BLTP1: variants seen among roughly 807,000 people sequenced by gnomAD.
BLTP1 encodes the protein bridge-like lipid transfer protein family member 1.
the BLTP1 span, chr4:122,309,076 A>G: frequency 2.8e-4 from 88 of 312,830 alleles, no homozygotes; most frequent in African/African-American, 1.9e-3. Flanking sequence ...AGTAAGAAAA[A>G]AAATGCACAT....
chr4:122,284,839 C>T, the BLTP1 span, among the ~76,000 whole-genome samples: 57 of 152,226 alleles, frequency 3.7e-4, no homozygotes, highest in South Asian at 5.6e-3. Flanking sequence ...GACATATATA[C>T]GGTTTGATAC....
At chr4:122,243,604 T>A in the BLTP1 span, 1 of 343,990 alleles carries the variant, frequency 2.9e-6, no homozygotes, top group Non-Finnish European at 4.1e-6. Flanking sequence ...TACAAAAAAA[T>A]TAGGCATAGT....
At chr4:122,186,067 A>G in the BLTP1 span, 5 of 1,601,578 alleles carry the variant, frequency 3.1e-6, no homozygotes, top group African/African-American at 4.0e-5. Flanking sequence ...TATACATCAC[A>G]GTCAATGACT....
the BLTP1 span, chr4:122,269,789 C>A: frequency 1.9e-6 from 1 of 526,034 alleles, no homozygotes; most frequent in Non-Finnish European, 2.4e-6. Flanking sequence ...AGTCCTCATA[C>A]ATGATAGTTT....
At chr4:122,276,922 G>C in the BLTP1 span, 1 of 985,208 alleles carries the variant, frequency 1.0e-6, no homozygotes, top group Non-Finnish European at 1.2e-6. Flanking sequence ...TGATGAACTG[G>C]TTCTTCATAT....
At chr4:122,154,089 T>G in the BLTP1 span, 1 of 983,876 alleles carries the variant, frequency 1.0e-6, no homozygotes, top group Non-Finnish European at 1.2e-6. Flanking sequence ...AACAGAACGT[T>G]GCAAACTCTG....
the BLTP1 span, chr4:122,260,099 C>A: frequency 5.5e-6 from 1 of 181,890 alleles, no homozygotes. Flanking sequence ...GATGGTACAG[C>A]CTACTACACA....
At chr4:122,246,929 GT>G in the BLTP1 span, 1 of 1,455,940 alleles carries the variant, frequency 6.9e-7, no homozygotes. Context: ...CTCAGAACTG[GT>G]TTTGGAATTT....
chr4:122,225,048 T>A, the BLTP1 span: 26 of 957,296 alleles, frequency 2.7e-5, no homozygotes, highest in Non-Finnish European at 3.2e-5. Flanking sequence ...TATGGAGTAA[T>A]TTTCTAAGAA....
At chr4:122,331,784 G>A in the BLTP1 span, 2 of 972,910 alleles carry the variant, frequency 2.1e-6, no homozygotes, top group East Asian at 2.3e-4. Context: ...AATTAAAATA[G>A]TTATATCTTT....
chr4:122,245,013 C>T, the BLTP1 span: 2 of 1,597,928 alleles, frequency 1.3e-6, no homozygotes, highest in African/African-American at 1.4e-5. Context: ...CTGTTTTTTC[C>T]CCTCAGATAT....
the BLTP1 span, chr4:122,200,845 G>C: frequency 1.2e-6 from 1 of 800,472 alleles, no homozygotes; most frequent in African/African-American, 1.9e-5. Flanking sequence ...CATGGATATT[G>C]ACCTTCAGCC....
At chr4:122,287,175 G>A in the BLTP1 span, among the ~76,000 whole-genome samples, 1 of 152,122 alleles carries the variant, frequency 6.6e-6, no homozygotes, top group Admixed American at 6.5e-5. Context: ...TTGTAAGTGA[G>A]CAAACTAAGC....
At chr4:122,328,371 T>C in the BLTP1 span, 1 of 1,593,196 alleles carries the variant, frequency 6.3e-7, no homozygotes, top group Non-Finnish European at 8.6e-7. Flanking sequence ...AGTAACCTTA[T>C]TTTAAGATCA....
the BLTP1 span, chr4:122,189,376 A>G: frequency 1.0e-6 from 1 of 983,538 alleles, no homozygotes; most frequent in Non-Finnish European, 1.2e-6. Flanking sequence ...TTTCTGGGAA[A>G]TTATTGATGG....
chr4:122,279,304 A>G, the BLTP1 span, among the ~76,000 whole-genome samples: 1 of 152,258 alleles, frequency 6.6e-6, no homozygotes, highest in Non-Finnish European at 1.5e-5. Flanking sequence ...TTTCCTTGCA[A>G]ATTGATACTT....
At chr4:122,193,463 A>G in the BLTP1 span, 1 of 179,910 alleles carries the variant, frequency 5.6e-6, no homozygotes. Context: ...ATTGTTCTAT[A>G]GTTATAGTCT....
the BLTP1 span, chr4:122,249,706 G>A: frequency 6.2e-7 from 1 of 1,612,654 alleles, no homozygotes; most frequent in Non-Finnish European, 8.5e-7. Context: ...ATTGAATTCT[G>A]CTTAAGGTGG....
At chr4:122,209,888 T>G in the BLTP1 span, 1 of 1,613,592 alleles carries the variant, frequency 6.2e-7, no homozygotes, top group African/African-American at 1.3e-5. Flanking sequence ...GCATCCAATT[T>G]ATCCACAAAA....
Sources: gnomAD v4.1 joint callset for allele counts (sites outside exome capture counted in the v4.1 genomes callset) on GRCh38, gnomAD v4.1.1 for gene constraint, MANE v1.5 for transcripts, NCBI Gene and HGNC (gene_info 2026-07-23, HGNC 2026-07-21) for gene names.